The following KLRG1 variants were observed in gnomAD, a reference collection of about 807,000 sequenced individuals.
The protein encoded by KLRG1 is killer cell lectin-like receptor subfamily G member 1.
KLRG1 carries 16 observed loss-of-function variants against 21.8 expected under a neutral mutation model. The observed-to-expected ratio is 0.73, with a 90% CI of 0.50 to 1.11. The LOEUF is 1.11. Among genes scored for constraint, KLRG1 ranks in the 50% most tolerant of loss-of-function variants. KLRG1 has a pLI of 0.00. For synonymous variants in KLRG1, 69 were observed against 75.9 expected (o/e 0.91, Z 0.47); for missense variants, 173 against 218.3 (o/e 0.79, Z 1.31).
intron 1 of KLRG1, among the ~76,000 whole-genome samples, chr12:8,964,325 C>T (rs1946428715): frequency 6.6e-6 from 1 of 152,178 alleles, no homozygotes; most frequent in Admixed American, 6.5e-5. Flanking sequence ...GATTGCTCAG[C>T]TTCTATGTAG....
chr12:9,202,402 A>G, the KLRG1 span: 1 of 1,614,114 alleles, frequency 6.2e-7, no homozygotes, highest in Non-Finnish European at 8.5e-7. Context: ...TAAGATTCAG[A>G]CATGATAAAG....
At chr12:9,101,613 T>C in the KLRG1 span, 2 of 1,613,882 alleles carry the variant, frequency 1.2e-6, no homozygotes, top group Non-Finnish European at 8.5e-7. Context: ...GTGATGTGCC[T>C]CTTCGTGTTC....
At chr12:9,093,890 CTCAA>C in the KLRG1 span, among the ~76,000 whole-genome samples, 1 of 142,536 alleles carries the variant, frequency 7.0e-6, no homozygotes, top group Non-Finnish European at 1.5e-5. Flanking sequence ...GAGACTTCGT[CTCAA>C]ACAAACAAAC....
chr12:9,071,561 T>C, the KLRG1 span, among the ~76,000 whole-genome samples: 1 of 152,120 alleles, frequency 6.6e-6, no homozygotes, highest in Non-Finnish European at 1.5e-5. Context: ...TTGCACTGAA[T>C]TGTTGTTTTT....
chr12:9,067,169 T>G, the KLRG1 span: 107 of 153,864 alleles, frequency 7.0e-4, no homozygotes, highest in Non-Finnish European at 1.3e-3. Flanking sequence ...ATTTGGACTT[T>G]GAGTCATACA....
chr12:9,038,344 A>G, the KLRG1 span, among the ~76,000 whole-genome samples: 5 of 152,294 alleles, frequency 3.3e-5, no homozygotes, highest in African/African-American at 1.2e-4. Flanking sequence ...GCAGAAGCCA[A>G]AGCTGCTGAA....
the KLRG1 span, chr12:9,166,008 C>T: frequency 3.2e-6 from 5 of 1,563,536 alleles, no homozygotes; most frequent in East Asian, 1.1e-4. Flanking sequence ...GGAGGAACCA[C>T]ATTCCCTCCC....
At chr12:8,993,637 C>G (rs1461353289) in intron 2 of KLRG1, among the ~76,000 whole-genome samples, 2 of 152,074 alleles carry the variant, frequency 1.3e-5, no homozygotes, top group African/African-American at 4.8e-5. Flanking sequence ...ACCTCAGAGC[C>G]AAGTCCGACC....
chr12:9,052,337 TCTC>T, the KLRG1 span, among the ~76,000 whole-genome samples: 1 of 152,280 alleles, frequency 6.6e-6, no homozygotes, highest in East Asian at 1.9e-4. Flanking sequence ...TGTTACCTTT[TCTC>T]CTCCCTCAGC....
the KLRG1 span, among the ~76,000 whole-genome samples, chr12:9,153,516 C>G: frequency 6.6e-6 from 1 of 152,322 alleles, no homozygotes; most frequent in Admixed American, 6.5e-5. Flanking sequence ...CAAAATCATG[C>G]TGCAGTTTCT....
At chr12:9,006,315 T>G (rs1224692338) in intron 3 of KLRG1, among the ~76,000 whole-genome samples, 8 of 152,180 alleles carry the variant, frequency 5.3e-5, no homozygotes, top group African/African-American at 1.7e-4. Context: ...GAAGGCCTCT[T>G]TGGGGAGGGA....
the KLRG1 span, chr12:9,149,014 G>A: frequency 2.2e-5 from 35 of 1,606,962 alleles, 1 homozygote; most frequent in South Asian, 1.7e-4. Context: ...AAAGAAAAAC[G>A]TAAGGAGGTT....
Position 9,010,072 on chromosome 12 carries a change from G to A in KLRG1, c.*535G>A. ...ATGCTGGTGTGTACCTGTAGTCCTA[G>A]CTATTTGGGAAGCTGAGGTGGGAGG... On this transcript the variant is annotated 3_prime_UTR_variant, in exon 5 of 5. Transcript: ENST00000356986. The A allele has an allele frequency of 6.7e-7, 1 of 1,490,102 alleles. No individual in the cohort carries two copies. The highest frequency in any genetic ancestry group is 9.0e-7 in the Non-Finnish European group (1 of 1,107,492). 92.3% of individuals were successfully genotyped at this position (1,490,102 alleles called of 1,614,324 possible).
At chr12:9,008,914 A>C in intron 3 of KLRG1, 61 bp from the exon 4 acceptor site, 1 of 1,094,080 alleles carries the variant, frequency 9.1e-7, no homozygotes, top group Non-Finnish European at 1.4e-6. Flanking sequence ...CCAATGTGGA[A>C]AGGAATAATT....
chr12:9,083,773 AGGG>A, the KLRG1 span, among the ~76,000 whole-genome samples: 3 of 151,286 alleles, frequency 2.0e-5, no homozygotes, highest in South Asian at 6.2e-4. Context: ...AAAAGCAGTA[AGGG>A]CTGAAAACTT....
upstream of KLRG1, among the ~76,000 whole-genome samples, chr12:8,986,076 T>C (rs780467677): frequency 7.9e-5 from 12 of 152,286 alleles, no homozygotes; most frequent in Admixed American, 2.6e-4. Context: ...CCAGAAACTG[T>C]GGATGAAAAC....
At chr12:9,083,309 C>T in the KLRG1 span, among the ~76,000 whole-genome samples, 1,519 of 151,754 alleles carry the variant, frequency 0.01, 20 homozygotes, top group South Asian at 0.028. Flanking sequence ...TTAATGGGTG[C>T]AGCACACCAA....
chr12:9,110,193 G>A, the KLRG1 span: 1 of 1,106,240 alleles, frequency 9.0e-7, no homozygotes, highest in East Asian at 2.5e-5. Context: ...AGCTCTATGG[G>A]AGTTTGAAGG....
the KLRG1 span, chr12:9,098,712 G>A: frequency 6.2e-6 from 10 of 1,612,750 alleles, no homozygotes; most frequent in African/African-American, 2.7e-5. Context: ...GCAGGTGGGC[G>A]TGTGAGGCTG....
Sources: gnomAD v4.1 joint callset for allele counts (sites outside exome capture counted in the v4.1 genomes callset) on GRCh38, gnomAD v4.1.1 for gene constraint, MANE v1.5 for transcripts, NCBI Gene and HGNC (gene_info 2026-07-23, HGNC 2026-07-21) for gene names.